The following FGD4 variants were observed in gnomAD, a reference collection of about 807,000 sequenced individuals.
The protein encoded by FGD4 is FYVE, RhoGEF and PH domain-containing protein 4.
FGD4 carries 42 observed loss-of-function variants against 102.0 expected under a neutral mutation model. That is an observed-to-expected ratio of 0.41 (90% CI 0.32 to 0.53). FGD4 has a LOEUF of 0.53. FGD4 is among the 20% of genes least tolerant of loss of function. The pLI is 0.21. For synonymous variants in FGD4, 380 were observed against 375.7 expected, an observed-to-expected ratio of 1.01 and a Z score of -0.13; for missense variants, 902 against 1,078.2, an observed-to-expected ratio of 0.84 and a Z score of 2.29.
chr12:32,403,858 G>A (rs1940804761), intron 1 of FGD4, among the ~76,000 whole-genome samples: 1 of 152,010 alleles, frequency 6.6e-6, no homozygotes, highest in Non-Finnish European at 1.5e-5. Context: ...GCCTCCCAAA[G>A]TGCTGGGATT....
rs186284829 is a variant in FGD4 at position 32,541,003 on chromosome 12, T to C, written c.167-23134T>C. On this transcript the variant is annotated intron_variant, in intron 1 of 16. Coordinates refer to ENST00000534526, the MANE Select transcript of FGD4 (RefSeq NM_001370298.3). ...GAATAAAATAGTCAGACTTTTTATT[T>C]GTAGGAGAAAAATTGTATTAGATGT... is the stretch of plus-strand genomic sequence containing the variant. 2.6e-5 allele frequency among the ~76,000 whole-genome samples: 4 copies of C among 152,340 alleles called. No individual in the cohort carries two copies. In the East Asian group the frequency reaches 7.7e-4, roughly 29 times the overall value.
intron 1 of FGD4, among the ~76,000 whole-genome samples, chr12:32,561,069 G>GTTTTTTTT (rs1565841408): frequency 1.8e-4 from 17 of 92,012 alleles, no homozygotes; most frequent in African/African-American, 2.3e-4. Flanking sequence ...TTCTTTGTTG[G>GTTTTTTTT]GTTTTGTTTT....
intron 1 of FGD4, among the ~76,000 whole-genome samples, chr12:32,502,498 T>A (rs1286580160): frequency 6.6e-6 from 1 of 152,210 alleles, no homozygotes; most frequent in African/African-American, 2.4e-5. Flanking sequence ...ATAATGCCTA[T>A]GCAATTACAT....
At chr12:32,614,485 A>G (rs1002689379) in intron 10 of FGD4, among the ~76,000 whole-genome samples, 1 of 152,192 alleles carries the variant, frequency 6.6e-6, no homozygotes, top group African/African-American at 2.4e-5. Flanking sequence ...GGGCCAAAGA[A>G]CAATAACATC....
intron 10 of FGD4, among the ~76,000 whole-genome samples, chr12:32,617,637 A>G (rs998095176): frequency 3.9e-5 from 6 of 152,246 alleles, no homozygotes; most frequent in Non-Finnish European, 7.3e-5. Flanking sequence ...AGCTATGGGC[A>G]TGAAATAAAA....
Position 32,518,991 on chromosome 12 carries a change from C to T in FGD4, c.167-45146C>T, listed in dbSNP as rs533847503. ...TTAGCCGGGTGTGGTGGCACATGCC[C>T]GTAATCCCAGCTACTCGGGAGGCTG... On this transcript the variant is annotated intron_variant, in intron 1 of 16. Transcript: ENST00000534526. 7.9e-5 allele frequency among the ~76,000 whole-genome samples: 12 copies of T among 151,054 alleles called. No homozygotes were observed. In the East Asian group the frequency reaches 1.6e-3, roughly 20 times the overall value.
rs1010435039 is a variant in FGD4 at position 32,642,092 on chromosome 12, A to G, written c.*1559A>G. 2 of 151,974 alleles carry G rather than the reference A, an allele frequency of 1.3e-5. No homozygotes were observed. The highest frequency in any genetic ancestry group is 4.8e-5 in the African/African-American group (2 of 41,406). The allele number at this position is 151,974 out of a possible 1,614,324, so 9.4% of individuals were successfully genotyped here. On this transcript the variant is annotated 3_prime_UTR_variant, in exon 17 of 17. Coordinates refer to ENST00000534526, the MANE Select transcript of FGD4 (RefSeq NM_001370298.3). ...GCCTTGTTACTTTAAGAAATATCTT[A>G]TTTTTTCCACCCCAAAGGAGCAAGT...
Position 32,606,117 on chromosome 12 carries a change from A to T in FGD4, c.1405-1840A>T, listed in dbSNP as rs898787679. On this transcript the variant is annotated intron_variant, in intron 7 of 16. Coordinates refer to ENST00000534526, the MANE Select transcript of FGD4 (RefSeq NM_001370298.3). ...AGTTTCTTCATGTAAAATATTTGGGATCAGTAATACTTTCCTTGATGTACG... is the reference window on the plus strand; with the variant it reads ...AGTTTCTTCATGTAAAATATTTGGGTTCAGTAATACTTTCCTTGATGTACG... Among the ~76,000 whole-genome samples, 51 of 152,194 alleles carry T rather than the reference A, an allele frequency of 3.4e-4. 2 individuals carry two copies. The highest frequency in any genetic ancestry group is 8.8e-5 in the Non-Finnish European group (6 of 68,038).
At position 32,426,800 on chromosome 12, in the gene FGD4, T is replaced by A. The variant is rs1486654578; in HGVS notation, c.166+26841T>A. ...TTCCTGGTGTAGTCTTGGGAGGGTG[T>A]ATGTGTCCAGGAATTTATCAATTTC... On this transcript the variant is annotated intron_variant, in intron 1 of 16. Transcript: ENST00000534526. Among the ~76,000 whole-genome samples, 3 of 151,566 alleles carry A rather than the reference T, an allele frequency of 2.0e-5. No individual in the cohort carries two copies. The South Asian group carries it at 6.3e-4, about 32-fold the overall frequency.
rs1312110385 is a variant in FGD4 at position 32,504,381 on chromosome 12, G to A, written c.167-59756G>A. On this transcript the variant is annotated intron_variant, in intron 1 of 16. Coordinates refer to ENST00000534526, the MANE Select transcript of FGD4 (RefSeq NM_001370298.3). ...GACTGTCCTGCACATGAAGGACCTG[G>A]TGAGATGTCCACTTCCATGCACAAC... 2.6e-5 allele frequency among the ~76,000 whole-genome samples: 4 copies of A among 152,160 alleles called. No individual in the cohort carries two copies. The East Asian group carries it at 5.8e-4, about 22-fold the overall frequency.
At chr12:32,596,825 C>T (rs1019878042) in intron 4 of FGD4, among the ~76,000 whole-genome samples, 7 of 151,676 alleles carry the variant, frequency 4.6e-5, no homozygotes, top group Non-Finnish European at 7.4e-5. Context: ...ATCTCAGCTA[C>T]TCGGGAGACT....
intron 1 of FGD4, among the ~76,000 whole-genome samples, chr12:32,536,415 G>T (rs527891599): frequency 6.6e-6 from 1 of 152,254 alleles, no homozygotes; most frequent in East Asian, 1.9e-4. Flanking sequence ...AAATAAAAAG[G>T]TATTTTCTTA....
intron 1 of FGD4, among the ~76,000 whole-genome samples, chr12:32,529,200 C>T (rs1219438410): frequency 1.2e-4 from 18 of 152,004 alleles, no homozygotes; most frequent in Admixed American, 9.2e-4. Flanking sequence ...CTGCAACCTC[C>T]GCCTCCCAGA....
intron 1 of FGD4, among the ~76,000 whole-genome samples, chr12:32,400,580 CTCAAGGTGATCTAT>C (rs1488300483): frequency 5.1e-4 from 78 of 152,238 alleles, no homozygotes; most frequent in African/African-American, 1.7e-3. Flanking sequence ...TAAAGAAGTC[CTCAAGGTGATCTAT>C]TCAAGGCGAT....
chr12:32,581,133 T>C (rs927663861), intron 3 of FGD4, among the ~76,000 whole-genome samples: 1 of 152,324 alleles, frequency 6.6e-6, no homozygotes, highest in East Asian at 1.9e-4. Flanking sequence ...ACCAGTGTTT[T>C]AGGAGAGATT....
chr12:32,561,752 T>C (rs576021583), intron 1 of FGD4, among the ~76,000 whole-genome samples: 14 of 152,314 alleles, frequency 9.2e-5, no homozygotes, highest in Non-Finnish European at 1.8e-4. Context: ...TCTTTAAAAG[T>C]CTCTGAAATT....
chr12:32,595,425 C>T (rs569381499), intron 4 of FGD4, among the ~76,000 whole-genome samples: 1 of 152,232 alleles, frequency 6.6e-6, no homozygotes, highest in South Asian at 2.1e-4. Flanking sequence ...TTGCTCATAG[C>T]ACTTAAGCCT....
At chr12:32,556,391 C>G (rs1434458735) in intron 1 of FGD4, among the ~76,000 whole-genome samples, 1 of 152,148 alleles carries the variant, frequency 6.6e-6, no homozygotes, top group Non-Finnish European at 1.5e-5. Context: ...GAATTCTGCA[C>G]CCACTAAACA....
intron 1 of FGD4, among the ~76,000 whole-genome samples, chr12:32,504,222 C>A (rs572762582): frequency 6.6e-6 from 1 of 152,174 alleles, no homozygotes; most frequent in African/African-American, 2.4e-5. Flanking sequence ...TCCAATCCAC[C>A]ACTAACAAGA....
Sources: gnomAD v4.1 joint callset for allele counts (sites outside exome capture counted in the v4.1 genomes callset) on GRCh38, gnomAD v4.1.1 for gene constraint, MANE v1.5 for transcripts, NCBI Gene and HGNC (gene_info 2026-07-23, HGNC 2026-07-21) for gene names.